PTPRD: variants seen among roughly 807,000 people sequenced by gnomAD.
PTPRD encodes protein tyrosine phosphatase receptor type D, also known as receptor-type tyrosine-protein phosphatase delta.
Under a neutral mutation model 214.5 loss-of-function variants are expected in PTPRD, and 34 were observed. That is an observed-to-expected ratio of 0.16 (90% confidence interval 0.12 to 0.21). The LOEUF is 0.21. Ranked by LOEUF, PTPRD falls within the 10% of genes least tolerant of loss-of-function variation. The pLI, the probability that PTPRD is intolerant of heterozygous loss-of-function variation, is 1.00. For synonymous variants in PTPRD, 1,128 were observed against 845.7 expected, an observed-to-expected ratio of 1.33 and a Z score of -5.79; for missense variants, 2,545 against 2,398.7, an observed-to-expected ratio of 1.06 and a Z score of -1.27.
At chr9:9,190,463 G>C (rs1467851252) in intron 9 of PTPRD, among the ~76,000 whole-genome samples, 3 of 151,988 alleles carry the variant, frequency 2.0e-5, no homozygotes, top group Non-Finnish European at 4.4e-5. Context: ...CAGCTGCCAT[G>C]TAAGAAGTGC....
chr9:8,961,837 C>A (rs928070434), intron 11 of PTPRD, among the ~76,000 whole-genome samples: 1 of 152,050 alleles, frequency 6.6e-6, no homozygotes, highest in African/African-American at 2.4e-5. Flanking sequence ...TCTCTAAGTA[C>A]CCCATGTGAC....
intron 11 of PTPRD, among the ~76,000 whole-genome samples, chr9:8,971,696 C>T (rs1287026877): frequency 2.0e-5 from 3 of 151,106 alleles, no homozygotes; most frequent in East Asian, 3.9e-4. Context: ...TGAAGTCAAA[C>T]AATAATAATA....
At chr9:8,740,226 T>C (rs1338952293) in intron 11 of PTPRD, among the ~76,000 whole-genome samples, 1 of 152,004 alleles carries the variant, frequency 6.6e-6, no homozygotes, top group African/African-American at 2.4e-5. Context: ...AACTGGAAAA[T>C]ATCCAAGTAG....
chr9:8,950,464 G>T (rs1246779807), intron 11 of PTPRD, among the ~76,000 whole-genome samples: 1 of 147,370 alleles, frequency 6.8e-6, no homozygotes, highest in South Asian at 2.1e-4. Flanking sequence ...CACCAATTCA[G>T]TCACCTTCTG....
chr9:9,826,100 T>C (rs920757600), intron 5 of PTPRD, among the ~76,000 whole-genome samples: 4 of 151,930 alleles, frequency 2.6e-5, no homozygotes, highest in East Asian at 1.9e-4. Context: ...TGCTTGTATG[T>C]TGGTCTTCCT....
chr9:9,589,107 C>T (rs585673), intron 7 of PTPRD, among the ~76,000 whole-genome samples: 47,436 of 151,678 alleles, frequency 0.31, 7,857 homozygotes, highest in Non-Finnish European at 0.36. Context: ...TTCTAGGCAA[C>T]TAACTGGAGA....
chr9:9,003,423 G>A (rs2099432390), intron 11 of PTPRD, among the ~76,000 whole-genome samples: 1 of 151,960 alleles, frequency 6.6e-6, no homozygotes, highest in African/African-American at 2.4e-5. Context: ...GCCTACTTGT[G>A]TTCTACCCTC....
intron 5 of PTPRD, among the ~76,000 whole-genome samples, chr9:9,774,687 T>C (rs1453235730): frequency 9.9e-5 from 15 of 152,208 alleles, no homozygotes; most frequent in Admixed American, 9.8e-4. Flanking sequence ...TTAAATGTGA[T>C]GTAGGCATTC....
At chr9:8,613,482 T>C (rs1284172838) in intron 14 of PTPRD, among the ~76,000 whole-genome samples, 1 of 152,126 alleles carries the variant, frequency 6.6e-6, no homozygotes, top group Non-Finnish European at 1.5e-5. Flanking sequence ...TAAAAATAAA[T>C]CCAAGTGGGA....
intron 14 of PTPRD, among the ~76,000 whole-genome samples, chr9:8,575,138 CCTT>C (rs1336035458): frequency 6.6e-6 from 1 of 152,030 alleles, no homozygotes; most frequent in East Asian, 1.9e-4. Context: ...AGACTTCTGA[CCTT>C]CTACTTAAAC....
chr9:9,865,131 G>C (rs1487928899), intron 5 of PTPRD, among the ~76,000 whole-genome samples: 2 of 152,090 alleles, frequency 1.3e-5, no homozygotes, highest in Admixed American at 1.3e-4. Flanking sequence ...ATTTGTAAAA[G>C]TTTATGTATG....
At chr9:9,341,068 G>T (rs2046602224) in intron 9 of PTPRD, among the ~76,000 whole-genome samples, 2 of 151,936 alleles carry the variant, frequency 1.3e-5, no homozygotes, top group African/African-American at 4.8e-5. Flanking sequence ...TAAATGTTTT[G>T]CTAATTGTTT....
chr9:8,660,789 C>T (rs1388771036), intron 12 of PTPRD, among the ~76,000 whole-genome samples: 1 of 152,136 alleles, frequency 6.6e-6, no homozygotes, highest in Non-Finnish European at 1.5e-5. Context: ...TCTTGACTTT[C>T]CACTTACTCT....
intron 3 of PTPRD, among the ~76,000 whole-genome samples, chr9:10,038,339 T>C (rs1225807213): frequency 6.6e-6 from 1 of 152,130 alleles, no homozygotes; most frequent in Non-Finnish European, 1.5e-5. Flanking sequence ...ATCCCAAATA[T>C]ATAGCCCCCA....
chr9:10,258,468 G>A (rs964645032), intron 3 of PTPRD, among the ~76,000 whole-genome samples: 1 of 152,182 alleles, frequency 6.6e-6, no homozygotes. Flanking sequence ...TACTAATAAT[G>A]TGTTTAGATC....
chr9:9,398,621 G>A (rs984256055), intron 8 of PTPRD, among the ~76,000 whole-genome samples: 5 of 152,020 alleles, frequency 3.3e-5, no homozygotes, highest in African/African-American at 1.2e-4. Context: ...AAGAAATTGA[G>A]GGTGAAGAAT....
chr9:9,778,523 G>A (rs370533300), intron 5 of PTPRD, among the ~76,000 whole-genome samples: 1 of 152,162 alleles, frequency 6.6e-6, no homozygotes, highest in African/African-American at 2.4e-5. Flanking sequence ...CTCCGAGTCA[G>A]GAGAGGGCAA....
chr9:8,509,704 C>T (rs771261527), intron 21 of PTPRD, among the ~76,000 whole-genome samples: 14 of 152,242 alleles, frequency 9.2e-5, no homozygotes, highest in Middle Eastern at 6.8e-3. Flanking sequence ...AGTAAATTCC[C>T]GGTTGGTCTC....
At chr9:9,840,120 T>C (rs199793543) in intron 5 of PTPRD, among the ~76,000 whole-genome samples, 3 of 151,886 alleles carry the variant, frequency 2.0e-5, no homozygotes, top group Non-Finnish European at 4.4e-5. Flanking sequence ...TCACTGCAAC[T>C]TCCACCTCCC....
Sources: gnomAD v4.1 joint callset for allele counts (sites outside exome capture counted in the v4.1 genomes callset) on GRCh38, gnomAD v4.1.1 for gene constraint, MANE v1.5 for transcripts, NCBI Gene and HGNC (gene_info 2026-07-23, HGNC 2026-07-21) for gene names.